Variants in FABP4 observed in about 807,000 individuals in gnomAD.
The protein encoded by FABP4 is fatty acid-binding protein, adipocyte.
FABP4 carries 17 observed loss-of-function variants against 14.6 expected under a neutral mutation model. The observed-to-expected ratio is 1.16, with a 90% CI of 0.80 to 1.74. The LOEUF is 1.74. FABP4 is among the 40% of genes most tolerant of loss of function. The pLI, the probability that FABP4 is intolerant of heterozygous loss-of-function variation, is 0.00. For missense variants in FABP4, 149 were observed against 160.3 expected, an observed-to-expected ratio of 0.93 and a Z score of 0.38; for synonymous variants, 54 against 54.6, an observed-to-expected ratio of 0.99 and a Z score of 0.05.
Position 81,483,212 on chromosome 8 carries a change from G to T in FABP4, c.-45C>A, listed in dbSNP as rs753616843. ...TATTCTTCAAGGTGAGAAGGAAGCT[G>T]CAGTTTTCAGGAGGGTGCTGTGACC... On this transcript the variant is annotated 5_prime_UTR_variant, in exon 1 of 4. Transcript: ENST00000256104. 3.3e-6 allele frequency: 5 copies of T among 1,512,822 alleles called. No homozygotes were observed. The Admixed American group carries it at 8.7e-5, about 26-fold the overall frequency. 93.7% of individuals were successfully genotyped at this position (1,512,822 alleles called of 1,614,324 possible).
At position 81,479,465 on chromosome 8, in the gene FABP4, A is replaced by T; in HGVS notation, c.297T>A (p.Asp99Glu). 6.2e-7 allele frequency: 1 copy of T among 1,613,420 alleles called. No individual in the cohort carries two copies. The highest frequency in any genetic ancestry group is 8.5e-7 in the Non-Finnish European group (1 of 1,179,524). The part of the protein sequence containing the change: ...GGVLVHVQKW[D>E]GKSTTIKRKR... ...TTCTCTTTATGGTGGTTGATTTTCC[A>T]TCCCATTTCTGCACATGTACCAGGA... Residue 99 changes from aspartate (D) to glutamate (E), a missense_variant, in exon 3 of 4, where the codon GAT (aspartate) becomes GAA (glutamate). Asp to Glu is a conservative substitution (Grantham distance 45). Transcript: ENST00000256104.
At chr8:81,480,984 T>C (rs1449958172) in intron 1 of FABP4, among the ~76,000 whole-genome samples, 4 of 152,168 alleles carry the variant, frequency 2.6e-5, no homozygotes, top group Non-Finnish European at 2.9e-5. Flanking sequence ...TCTCTCTTAA[T>C]AAAATACTTG....
rs772910523 is a variant in FABP4 at position 81,478,935 on chromosome 8, C to G, written c.349-20G>C. On this transcript the variant is annotated intron_variant, in intron 3 of 3. Coordinates refer to ENST00000256104, the MANE Select transcript of FABP4 (RefSeq NM_001442.3). ...GCATTCCTAGACACAAAAAACAATT[C>G]TTGGTCAATCACTGGATTAAACCAT... 1 of 1,603,914 alleles carries G rather than the reference C, an allele frequency of 6.2e-7. No individual in the cohort carries two copies. The highest frequency in any genetic ancestry group is 8.5e-7 in the Non-Finnish European group (1 of 1,172,720).
rs944615807 is a variant in FABP4, at chr8:81,478,782, C to T, written c.*83G>A. 9.0e-5 allele frequency: 115 copies of T among 1,273,044 alleles called. No homozygotes were observed. The highest frequency in any genetic ancestry group is 1.1e-4 in the Non-Finnish European group (103 of 905,404). The allele number at this position is 1,273,044 out of a possible 1,614,324, so 78.9% of individuals were successfully genotyped here. On this transcript the variant is annotated 3_prime_UTR_variant, in exon 4 of 4. Coordinates refer to ENST00000256104, the MANE Select transcript of FABP4 (RefSeq NM_001442.3). ...TAGTTGCTTGCTAAATCATGGAAAA[C>T]AACAATATCTTTTTGAACAATATAT...
At chr8:81,481,930 A>T (rs1307572430) in intron 1 of FABP4, among the ~76,000 whole-genome samples, 1 of 152,174 alleles carries the variant, frequency 6.6e-6, no homozygotes, top group East Asian at 1.9e-4. Flanking sequence ...CTTTAATTAT[A>T]ATCAGCCCTT....
At chr8:81,479,266 G>A in intron 3 of FABP4, 148 bp downstream of exon 3, 1 of 682,864 alleles carries the variant, frequency 1.5e-6, no homozygotes, top group Non-Finnish European at 2.5e-6. Context: ...AAGCATGAAG[G>A]GCAAATGCCA....
intron 2 of FABP4, 115 bp from the exon 3 acceptor site, chr8:81,479,630 A>C: frequency 1.5e-6 from 1 of 659,874 alleles, no homozygotes; most frequent in Non-Finnish European, 2.6e-6. Flanking sequence ...CTAAATGACA[A>C]GAATATATTG....
In FABP4 at chr8:81,478,705, AG is replaced by A. The variant is rs1191316083; in HGVS notation, c.*159del. The A allele has an allele frequency of 3.5e-6, 2 of 564,120 alleles. No homozygotes were observed. Among genetic ancestry groups the A allele is most frequent in the South Asian group, 3.2e-5 (1 of 31,348 alleles). The allele number at this position is 564,120 out of a possible 1,614,324, so 34.9% of individuals were successfully genotyped here. ...TACATCACCTTCTAAATCTAAAAAA[AG>A]TTTATTTAACCAACGTAACCATATT... On this transcript the variant is annotated 3_prime_UTR_variant, in exon 4 of 4. Coordinates refer to ENST00000256104, the MANE Select transcript of FABP4 (RefSeq NM_001442.3).
rs766063216 is a variant in FABP4, at chr8:81,479,521, G to T, written c.247-6C>A. On this transcript the variant is annotated splice_polypyrimidine_tract_variant and splice_region_variant and intron_variant, in intron 2 of 3. Transcript: ENST00000256104. Reference sequence around the variant, plus strand: ...CCATCTAAGGTTATGGTGCTCTGTAGGCATAAGAAAATGTAATGACAATGT... The same window carrying T: ...CCATCTAAGGTTATGGTGCTCTGTATGCATAAGAAAATGTAATGACAATGT... 3.7e-6 allele frequency: 6 copies of T among 1,607,624 alleles called. No individual in the cohort carries two copies. The highest frequency in any genetic ancestry group is 5.1e-6 in the Non-Finnish European group (6 of 1,175,046).
intron 2 of FABP4, 26 bp downstream of exon 2, chr8:81,480,400 C>G: frequency 6.2e-7 from 1 of 1,609,100 alleles, no homozygotes; most frequent in Non-Finnish European, 8.5e-7. Context: ...CAGGCATGTA[C>G]TCTGTGCCAC....
intron 2 of FABP4, chr8:81,479,901 T>C (rs1482710553): frequency 6.2e-6 from 1 of 160,342 alleles, no homozygotes; most frequent in Non-Finnish European, 1.4e-5. Context: ...ATTATGTTAA[T>C]AATTTTTTTG....
intron 3 of FABP4, 146 bp from the exon 4 acceptor site, chr8:81,479,061 A>G: frequency 5.7e-6 from 4 of 701,140 alleles, no homozygotes; most frequent in Non-Finnish European, 9.7e-6. Context: ...ATATTGTAAT[A>G]AGATAGGGAG....
chr8:81,482,266 C>T (rs946962486), intron 1 of FABP4, among the ~76,000 whole-genome samples: 1 of 152,128 alleles, frequency 6.6e-6, no homozygotes, highest in Non-Finnish European at 1.5e-5. Flanking sequence ...AGTTTGCTAA[C>T]CCCAGTTCTG....
chr8:81,483,068 C>T (rs757881560), intron 1 of FABP4, 27 bp downstream of exon 1: 2 of 1,547,444 alleles, frequency 1.3e-6, no homozygotes, highest in South Asian at 2.4e-5. Context: ...ATTATAAATC[C>T]AGTCATTCCA....
chr8:81,480,814 C>T (rs888266958), intron 1 of FABP4, among the ~76,000 whole-genome samples: 3 of 150,786 alleles, frequency 2.0e-5, no homozygotes, highest in African/African-American at 7.3e-5. Context: ...AAAAACACAA[C>T]CTCTGAGAAA....
chr8:81,478,868 T>C lies in FABP4; in HGVS notation c.396A>G (p.Ala132=). Residue 132 remains alanine (A), a synonymous_variant, in exon 4 of 4, where the codon GCA becomes GCG. Coordinates refer to ENST00000256104, the MANE Select transcript of FABP4 (RefSeq NM_001442.3). ...GVTSTRVYER[A] is the part of the protein sequence containing the mutation. ...GTCCAGGTCAACGTCCCTTGGCTTA[T>C]GCTCTCTCATAAACTCTCGTGGAAG... is the stretch of plus-strand genomic sequence containing the variant. The C allele has an allele frequency of 6.2e-7, 1 of 1,613,102 alleles. No individual in the cohort carries two copies. The highest frequency in any genetic ancestry group is 8.5e-7 in the Non-Finnish European group (1 of 1,179,302).
intron 1 of FABP4, 49 bp downstream of exon 1, chr8:81,483,046 C>T (rs551187942): frequency 8.0e-5 from 119 of 1,486,868 alleles, no homozygotes; most frequent in Middle Eastern, 5.7e-4. Flanking sequence ...ACTCTTTTTC[C>T]CAAAAGAAAA....
chr8:81,479,385 CCAGAATTAAGTAGCTAGAAGATACT>C lies in FABP4; in HGVS notation c.348+4_348+28del. 1 of 1,539,618 alleles carries C rather than the reference CCAGAATTAAGTAGCTAGAAGATACT, an allele frequency of 6.5e-7. No individual in the cohort carries two copies. The highest frequency in any genetic ancestry group is 9.0e-7 in the Non-Finnish European group (1 of 1,113,294). On this transcript the variant is annotated splice_donor_5th_base_variant and intron_variant, in intron 3 of 3. Coordinates refer to ENST00000256104, the MANE Select transcript of FABP4 (RefSeq NM_001442.3). ...TCATGAGATAACCTAGCAGTAAGAT[CCAGAATTAAGTAGCTAGAAGATACT>C]CACCACCACCAGTTTATCATCCTCT...
At chr8:81,480,768 TAA>T (rs74275141) in intron 1 of FABP4, among the ~76,000 whole-genome samples, 170 bp from the exon 2 acceptor site, 15 of 130,250 alleles carry the variant, frequency 1.2e-4, no homozygotes, top group Non-Finnish European at 9.9e-5. Flanking sequence ...GGCCAATACT[TAA>T]AAAAAAAAAA....
Sources: gnomAD v4.1 joint callset for allele counts (sites outside exome capture counted in the v4.1 genomes callset) on GRCh38, gnomAD v4.1.1 for gene constraint, MANE v1.5 for transcripts, NCBI Gene and HGNC (gene_info 2026-07-23, HGNC 2026-07-21) for gene names.